NME7: variants seen among roughly 807,000 people sequenced by gnomAD.
NME7 encodes NME/NM23 family member 7.
In NME7, 41 loss-of-function variants were observed where a neutral mutation model predicts 49.1. That is an observed-to-expected ratio of 0.83 (90% CI 0.65 to 1.08). The LOEUF (loss-of-function observed/expected upper bound fraction) is 1.08. Ranked by LOEUF, NME7 falls within the 50% of genes least tolerant of loss-of-function variation. The pLI is 0.00. For missense variants in NME7, 423 were observed against 463.4 expected, an observed-to-expected ratio of 0.91 and a Z score of 0.80; for synonymous variants, 139 against 150.6, an observed-to-expected ratio of 0.92 and a Z score of 0.56.
At chr1:169,179,123 A>T (rs1355476490) in intron 10 of NME7, among the ~76,000 whole-genome samples, 1 of 152,128 alleles carries the variant, frequency 6.6e-6, no homozygotes, top group South Asian at 2.1e-4. Context: ...ACCTGGCCTA[A>T]AACCTCTTGT....
At chr1:169,156,825 AATGCTGATGAAAT>A (rs1294065163) in intron 11 of NME7, among the ~76,000 whole-genome samples, 1 of 152,180 alleles carries the variant, frequency 6.6e-6, no homozygotes, top group Non-Finnish European at 1.5e-5. Context: ...GAAAACAACC[AATGCTGATGAAAT>A]ACTAACTGGG....
chr1:169,362,853 T>A (rs1280992175), intron 1 of NME7, among the ~76,000 whole-genome samples: 2 of 152,212 alleles, frequency 1.3e-5, no homozygotes, highest in Non-Finnish European at 2.9e-5. Flanking sequence ...AATTCAAAGC[T>A]GTATCTGCCA....
chr1:169,199,508 G>A (rs972761249), intron 10 of NME7, among the ~76,000 whole-genome samples: 3 of 149,026 alleles, frequency 2.0e-5, no homozygotes, highest in Admixed American at 1.3e-4. Flanking sequence ...AAATTGAGAT[G>A]GAGCCTCACT....
intron 1 of NME7, among the ~76,000 whole-genome samples, chr1:169,359,281 A>AT (rs1212391058): frequency 7.4e-5 from 11 of 147,902 alleles, no homozygotes; most frequent in South Asian, 4.3e-4. Context: ...TTGTATTGTT[A>AT]TTTTTTTTTT....
intron 11 of NME7, among the ~76,000 whole-genome samples, chr1:169,166,162 C>T (rs2101839658): frequency 6.6e-6 from 1 of 152,154 alleles, no homozygotes; most frequent in African/African-American, 2.4e-5. Context: ...GTATAAATTT[C>T]ATGGTTAATA....
intron 2 of NME7, 31 bp downstream of exon 2, chr1:169,324,362 C>G (rs371620495): frequency 4.9e-6 from 7 of 1,441,016 alleles, no homozygotes; most frequent in East Asian, 4.5e-5. Flanking sequence ...ACCCCCTTTG[C>G]CAACATTCAA....
intron 7 of NME7, among the ~76,000 whole-genome samples, chr1:169,282,438 C>T (rs1412574388): frequency 6.6e-6 from 1 of 151,970 alleles, no homozygotes; most frequent in Admixed American, 6.6e-5. Flanking sequence ...TTTTTTGTGT[C>T]TCTATCTCCT....
intron 7 of NME7, among the ~76,000 whole-genome samples, chr1:169,250,232 T>C (rs557381269): frequency 2.0e-5 from 3 of 152,096 alleles, no homozygotes; most frequent in Non-Finnish European, 4.4e-5. Flanking sequence ...ATTTATCCAT[T>C]TCCTCTAGAT....
In NME7 at chr1:169,265,706, T is replaced by TA. The variant is rs1290394986; in HGVS notation, c.754+21596dup. ...TGAATCCAGGAGTTGTTTTTTTTTT[T>TA]AAAGTAAGATAAATTGACAGCTAGA... On this transcript the variant is annotated intron_variant, in intron 7 of 11. Coordinates refer to ENST00000367811, the MANE Select transcript of NME7 (RefSeq NM_013330.5). 6.7e-4 allele frequency among the ~76,000 whole-genome samples: 86 copies of TA among 127,458 alleles called. 5 individuals are homozygous for TA. The highest frequency in any genetic ancestry group is 2.1e-3 in the African/African-American group (82 of 38,212). 83.6% of individuals were successfully genotyped at this position (127,458 alleles called of 152,430 possible).
chr1:169,165,452 C>G (rs1659382840), intron 11 of NME7, among the ~76,000 whole-genome samples: 1 of 152,182 alleles, frequency 6.6e-6, no homozygotes, highest in Non-Finnish European at 1.5e-5. Flanking sequence ...TCCCCTCTTT[C>G]TCTTCTTGCC....
At chr1:169,217,612 C>T (rs1661007149) in intron 10 of NME7, among the ~76,000 whole-genome samples, 1 of 152,116 alleles carries the variant, frequency 6.6e-6, no homozygotes, top group Admixed American at 6.5e-5. Flanking sequence ...AAAATCTGTT[C>T]TATTTGCAGC....
intron 8 of NME7, among the ~76,000 whole-genome samples, chr1:169,235,656 T>C (rs190018527): frequency 3.6e-4 from 55 of 152,274 alleles, no homozygotes; most frequent in African/African-American, 1.3e-3. Flanking sequence ...GATAGATTAG[T>C]GGCACAAGAA....
chr1:169,251,025 T>C (rs1648549898), intron 7 of NME7, among the ~76,000 whole-genome samples: 1 of 152,074 alleles, frequency 6.6e-6, no homozygotes, highest in Non-Finnish European at 1.5e-5. Context: ...CCATTATTTC[T>C]TTGTTGACTT....
intron 7 of NME7, among the ~76,000 whole-genome samples, chr1:169,240,307 G>C (rs1474060854): frequency 6.6e-6 from 1 of 151,878 alleles, no homozygotes; most frequent in African/African-American, 2.4e-5. Flanking sequence ...AGTGAGAAGA[G>C]AGATATTGTT....
At chr1:169,324,557 T>C (rs1651983557) in intron 1 of NME7, 57 bp from the exon 2 acceptor site, 2 of 1,030,390 alleles carry the variant, frequency 1.9e-6, no homozygotes, top group Non-Finnish European at 3.0e-6. Flanking sequence ...AGCACTCTTC[T>C]GTAAGTCACA....
intron 10 of NME7, among the ~76,000 whole-genome samples, chr1:169,173,612 A>G (rs1431664753): frequency 6.6e-6 from 1 of 152,182 alleles, no homozygotes. Flanking sequence ...ACATATGCTT[A>G]TAAAGTAAAA....
chr1:169,231,842 T>C (rs1355801072), intron 9 of NME7, among the ~76,000 whole-genome samples: 7 of 152,150 alleles, frequency 4.6e-5, no homozygotes, highest in Non-Finnish European at 8.8e-5. Context: ...CTCAAAAGTT[T>C]CAAATTGATT....
intron 11 of NME7, among the ~76,000 whole-genome samples, chr1:169,137,894 A>C (rs904592757): frequency 6.6e-6 from 1 of 152,202 alleles, no homozygotes; most frequent in African/African-American, 2.4e-5. Flanking sequence ...TGGGCTGCAG[A>C]TGTACCCCCC....
rs572081530 is a variant in NME7, at chr1:169,279,574, T to C, written c.754+7729A>G. On this transcript the variant is annotated intron_variant, in intron 7 of 11. Transcript: ENST00000367811. Reference sequence around the variant, plus strand: ...TATTTGGGTGGGAGTGACCCGATTTTCCAGGTGCCGTCTGTCACCCCTTTC... The same window carrying C: ...TATTTGGGTGGGAGTGACCCGATTTCCCAGGTGCCGTCTGTCACCCCTTTC... Among the ~76,000 whole-genome samples, 9 of 152,304 alleles carry C rather than the reference T, an allele frequency of 5.9e-5. No homozygotes were observed. In the South Asian group the frequency reaches 1.7e-3, roughly 28 times the overall value.
Sources: allele counts gnomAD v4.1 joint callset (sites outside exome capture counted in the v4.1 genomes callset), GRCh38; gene constraint gnomAD v4.1.1; transcripts MANE v1.5; gene names NCBI Gene and HGNC (gene_info 2026-07-23, HGNC 2026-07-21).